The following CFAP69 variants were observed in gnomAD, a reference collection of about 807,000 sequenced individuals.
The protein encoded by CFAP69 is cilia and flagella associated protein 69.
CFAP69 carries 92 observed loss-of-function variants against 123.0 expected under a neutral mutation model. The ratio of observed to expected loss-of-function variants is 0.75; its 90% CI spans 0.63 to 0.89. The LOEUF (loss-of-function observed/expected upper bound fraction) is 0.89. Ranked by LOEUF, CFAP69 falls within the 40% of genes least tolerant of loss-of-function variation. CFAP69 has a pLI of 0.00. For synonymous variants in CFAP69, 380 were observed against 364.3 expected (o/e 1.04, Z -0.49); for missense variants, 1,067 against 1,096.9 (o/e 0.97, Z 0.39).
chr7:90,313,420 C>T (rs1294512352), downstream of CFAP69, among the ~76,000 whole-genome samples: 2 of 152,224 alleles, frequency 1.3e-5, no homozygotes, highest in African/African-American at 4.8e-5. Flanking sequence ...CAGACCCTGA[C>T]ATCCAGGAAC....
intron 1 of CFAP69, chr7:90,251,847 T>C (rs1797050049): frequency 6.6e-6 from 1 of 152,186 alleles, no homozygotes; most frequent in Non-Finnish European, 1.5e-5. Flanking sequence ...CTCTGTTCTT[T>C]TAAAAATTAT....
chr7:90,295,266 T>C (rs910827359), intron 15 of CFAP69, among the ~76,000 whole-genome samples: 12 of 152,198 alleles, frequency 7.9e-5, no homozygotes, highest in Non-Finnish European at 1.5e-4. Context: ...TAGAAGGGAT[T>C]CTAACCCTCC....
In CFAP69 at chr7:90,304,111, G is replaced by A. The variant is rs1793207393; in HGVS notation, c.2188+5G>A. 6.5e-7 allele frequency: 1 copy of A among 1,544,866 alleles called. No individual in the cohort carries two copies. On this transcript the variant is annotated splice_donor_5th_base_variant and intron_variant, in intron 18 of 22. Coordinates refer to ENST00000389297, the MANE Select transcript of CFAP69 (RefSeq NM_001039706.3). ...ATGCTATATTGGGCAAACTAGGTAA[G>A]AAGTTCTCTTCAAATTTGCAAGAGT...
At chr7:90,298,281 A>G (rs576765829) in intron 16 of CFAP69, among the ~76,000 whole-genome samples, 1 of 152,334 alleles carries the variant, frequency 6.6e-6, no homozygotes, top group Non-Finnish European at 1.5e-5. Flanking sequence ...GAAGAAGTCT[A>G]GTGACTCATG....
intron 14 of CFAP69, among the ~76,000 whole-genome samples, chr7:90,286,874 G>T (rs2117140390): frequency 6.6e-6 from 1 of 152,084 alleles, no homozygotes; most frequent in South Asian, 2.1e-4. Flanking sequence ...GATTGCCTGA[G>T]GTCAGGAGTT....
chr7:90,319,472 T>C, the CFAP69 span: 1 of 398,592 alleles, frequency 2.5e-6, no homozygotes, highest in Admixed American at 4.4e-5. Context: ...TCCTGAGCTA[T>C]GTTTAAGAAG....
intron 1 of CFAP69, among the ~76,000 whole-genome samples, chr7:90,251,096 T>C (rs1584293984): frequency 1.3e-5 from 2 of 152,202 alleles, no homozygotes; most frequent in East Asian, 1.9e-4. Flanking sequence ...CAAGATGATC[T>C]TTTCATAATT....
At chr7:90,304,407 GTTT>G in intron 18 of CFAP69, 1 of 991,542 alleles carries the variant, frequency 1.0e-6, no homozygotes, top group Non-Finnish European at 1.3e-6. Flanking sequence ...AGTCACTTGA[GTTT>G]TTTTTTTTAA....
rs375033984 is a variant in CFAP69 at position 90,300,017 on chromosome 7, A to G, written c.2008A>G (p.Lys670Glu). Residue 670 changes from lysine to glutamate, a missense_variant, in exon 17 of 23, where the codon AAA (lysine) becomes GAA (glutamate). Coordinates refer to ENST00000389297, the MANE Select transcript of CFAP69 (RefSeq NM_001039706.3). ...AATTAAATTGTGGAGAAAGGAGGAA[A>G]AAGAACTAGGAGTAAAACGTGATAA... is the stretch of plus-strand genomic sequence containing the variant. ...LLIKLWRKEEKELGVKRDKNG... is the reference protein window; with the variant it reads ...LLIKLWRKEEEELGVKRDKNG... 44 of 1,608,644 alleles carry G rather than the reference A, an allele frequency of 2.7e-5. No individual in the cohort carries two copies. The highest frequency in any genetic ancestry group is 3.3e-5 in the Non-Finnish European group (39 of 1,177,928).
chr7:90,277,388 T>C (rs1562879058), intron 11 of CFAP69, 54 bp downstream of exon 11: 9 of 1,334,926 alleles, frequency 6.7e-6, no homozygotes, highest in Non-Finnish European at 8.9e-6. Context: ...CTTTGTAGTA[T>C]AACTATTTTA....
rs1485930215 is a variant in CFAP69 at position 90,304,108 on chromosome 7, TAAG to T, written c.2188+6_2188+8del. On this transcript the variant is annotated splice_donor_5th_base_variant and intron_variant, in intron 18 of 22. Coordinates refer to ENST00000389297, the MANE Select transcript of CFAP69 (RefSeq NM_001039706.3). ...TTTATGCTATATTGGGCAAACTAGG[TAAG>T]AAGTTCTCTTCAAATTTGCAAGAGT... 1.3e-6 allele frequency: 2 copies of T among 1,545,480 alleles called. No individual in the cohort carries two copies. Among genetic ancestry groups the T allele is most frequent in the Non-Finnish European group, 1.7e-6 (2 of 1,144,080 alleles).
chr7:90,318,054 AAGTGGGAAAC>A, the CFAP69 span: 1 of 152,144 alleles, frequency 6.6e-6, no homozygotes, highest in Admixed American at 6.6e-5. Flanking sequence ...TCACTAGGAG[AAGTGGGAAAC>A]AGACCAAATT....
At position 90,293,953 on chromosome 7, in the gene CFAP69, C is replaced by CT. The variant is rs773000520; in HGVS notation, c.1776-3793dup. Among the ~76,000 whole-genome samples, 126 of 152,332 alleles carry CT rather than the reference C, an allele frequency of 8.3e-4. 1 individual carries two copies. Among genetic ancestry groups the CT allele is most frequent in the Middle Eastern group, 6.8e-3 (2 of 294 alleles). On this transcript the variant is annotated intron_variant, in intron 15 of 22. Coordinates refer to ENST00000389297, the MANE Select transcript of CFAP69 (RefSeq NM_001039706.3). ...GTACAACATTTCTTGCACAAACTCC[C>CT]TTTCACTAATCCTTTCACGACTTAC...
At chr7:90,312,217 A>G (rs1324280444), downstream of CFAP69, among the ~76,000 whole-genome samples, 6 of 152,228 alleles carry the variant, frequency 3.9e-5, no homozygotes, top group Admixed American at 2.6e-4. Flanking sequence ...GGGAAGATTC[A>G]GCCAACAAAA....
rs770541578 is a variant in CFAP69 at position 90,245,376 on chromosome 7, A to G, written c.-49A>G. On this transcript the variant is annotated 5_prime_UTR_variant, in exon 1 of 23. Transcript: ENST00000389297. ...CTTTGGGCCCAGCGGCTGCGGGCGC[A>G]CTGTAGGACAGGAAGATCCCCCCAC... The G allele has an allele frequency of 5.5e-6, 8 of 1,455,904 alleles. No homozygotes were observed. Among genetic ancestry groups the G allele is most frequent in the South Asian group, 1.4e-5 (1 of 69,642 alleles). The allele number at this position is 1,455,904 out of a possible 1,614,324, so 90.2% of individuals were successfully genotyped here. A position where few individuals can be genotyped will look rare whatever the true frequency, so the allele number is the denominator to read the frequency against.
At chr7:90,304,460 C>G (rs1793251705) in intron 18 of CFAP69, 1 of 1,219,956 alleles carries the variant, frequency 8.2e-7, no homozygotes, top group Non-Finnish European at 1.0e-6. Flanking sequence ...ATCAAACACT[C>G]TTCAGCTTCT....
chr7:90,246,514 T>C (rs1796352376), intron 1 of CFAP69, among the ~76,000 whole-genome samples: 2 of 152,178 alleles, frequency 1.3e-5, no homozygotes. Context: ...AGAGTTGAGC[T>C]CTCTGAGGTC....
At chr7:90,265,444 C>A in intron 5 of CFAP69, 67 bp downstream of exon 5, 3 of 1,061,256 alleles carry the variant, frequency 2.8e-6, no homozygotes, top group Non-Finnish European at 4.2e-6. Context: ...AAGGGAATAT[C>A]TATTTTCCCC....
At chr7:90,253,580 CAG>C (rs1233685554) in intron 1 of CFAP69, among the ~76,000 whole-genome samples, 1 of 152,040 alleles carries the variant, frequency 6.6e-6, no homozygotes, top group East Asian at 1.9e-4. Context: ...TTAGTAAAGA[CAG>C]AGTTTCATCA....
Sources: gnomAD v4.1 joint callset for allele counts (sites outside exome capture counted in the v4.1 genomes callset) on GRCh38, gnomAD v4.1.1 for gene constraint, MANE v1.5 for transcripts, NCBI Gene and HGNC (gene_info 2026-07-23, HGNC 2026-07-21) for gene names.